SEMA5B: variants seen among roughly 807,000 people sequenced by gnomAD.
The protein encoded by SEMA5B is semaphorin 5B.
SEMA5B carries 66 observed loss-of-function variants against 135.0 expected under a neutral mutation model. The observed-to-expected ratio is 0.49, with a 90% CI of 0.40 to 0.60. The LOEUF (loss-of-function observed/expected upper bound fraction) is 0.60. SEMA5B is among the 20% of genes least tolerant of loss of function. SEMA5B has a pLI of 0.00. For synonymous variants in SEMA5B, 690 were observed against 639.5 expected (o/e 1.08, Z -1.19); for missense variants, 1,501 against 1,566.3 (o/e 0.96, Z 0.70).
At chr3:123,007,019 G>A (rs753727428) in intron 1 of SEMA5B, among the ~76,000 whole-genome samples, 4 of 152,070 alleles carry the variant, frequency 2.6e-5, no homozygotes, top group Non-Finnish European at 5.9e-5. Context: ...ACCCAGAAAA[G>A]CATGAGGAAT....
intron 5 of SEMA5B, among the ~76,000 whole-genome samples, chr3:122,935,038 C>T (rs550863157): frequency 2.7e-4 from 41 of 152,188 alleles, no homozygotes; most frequent in South Asian, 1.5e-3. Context: ...ATTGAGTACA[C>T]GGGGTTCATG....
Position 122,971,063 on chromosome 3 carries a change from C to A in SEMA5B, c.-38-9762G>T, listed in dbSNP as rs72970590. Among the ~76,000 whole-genome samples, 503 of 152,330 alleles carry A rather than the reference C, an allele frequency of 3.3e-3. 3 individuals carry two copies. Among genetic ancestry groups the A allele is most frequent in the African/African-American group, 0.012 (489 of 41,570 alleles). On this transcript the variant is annotated intron_variant, in intron 1 of 22. Coordinates refer to ENST00000357599, the MANE Select transcript of SEMA5B (RefSeq NM_001031702.4). ...AAAGACCTGGTCCTGGAGCACTACCCAGTGGCCTATAATTCCCAGGAGACA... is the reference window on the plus strand; with the variant it reads ...AAAGACCTGGTCCTGGAGCACTACCAAGTGGCCTATAATTCCCAGGAGACA...
chr3:122,948,417 A>C, intron 3 of SEMA5B, 89 bp downstream of exon 3: 1 of 1,167,838 alleles, frequency 8.6e-7, no homozygotes, highest in Non-Finnish European at 1.2e-6. Context: ...AAGGACATCC[A>C]ACAGCCAGAA....
chr3:122,925,388 G>C (rs908859404), intron 9 of SEMA5B, among the ~76,000 whole-genome samples: 2 of 152,104 alleles, frequency 1.3e-5, no homozygotes, highest in Middle Eastern at 6.8e-3. Flanking sequence ...AATATTGCCA[G>C]CTGGGCGTGG....
chr3:122,950,294 G>T (rs1939985923), intron 2 of SEMA5B, among the ~76,000 whole-genome samples: 2 of 152,204 alleles, frequency 1.3e-5, no homozygotes, highest in Non-Finnish European at 2.9e-5. Flanking sequence ...GAAGCAGTGG[G>T]GAGAGGGCCA....
chr3:122,928,472 C>T, intron 7 of SEMA5B, 45 bp downstream of exon 7: 1 of 1,469,940 alleles, frequency 6.8e-7, no homozygotes, highest in Non-Finnish European at 9.2e-7. Flanking sequence ...AGGAGAACCC[C>T]CGGCATGGTG....
chr3:122,921,244 C>G (rs1198892839), intron 12 of SEMA5B, among the ~76,000 whole-genome samples: 1 of 152,216 alleles, frequency 6.6e-6, no homozygotes, highest in Non-Finnish European at 1.5e-5. Flanking sequence ...GGGAGAGCCT[C>G]GGGTGGTAGG....
chr3:122,968,921 G>A (rs1940995902), intron 1 of SEMA5B, among the ~76,000 whole-genome samples: 1 of 152,106 alleles, frequency 6.6e-6, no homozygotes. Flanking sequence ...AACATCTTCT[G>A]TTCACTTACC....
Position 122,915,551 on chromosome 3 carries a change from C to T in SEMA5B, c.1877G>A (p.Gly626Glu). 6.2e-7 allele frequency: 1 copy of T among 1,614,110 alleles called. No individual in the cohort carries two copies. The highest frequency in any genetic ancestry group is 1.1e-5 in the South Asian group (1 of 91,076). ...SPWQPCEHLD[G>E]DNSGSCLCRA... The stretch of plus-strand genomic sequence containing the variant: ...ACACAGGCAAGAGCCTGAGTTGTCC[C>T]CATCCAAGTGCTCACATGGTTGCCA... The change falls in exon 14 of 23, where the codon GGG (glycine) becomes GAG (glutamate). Residue 626 changes from glycine to glutamate, a missense_variant. This residue lies in a region of SEMA5B where 927 missense variants were observed against 881.6 expected (regional missense o/e 1.05). Coordinates refer to ENST00000357599, the MANE Select transcript of SEMA5B (RefSeq NM_001031702.4).
chr3:123,019,418 G>A (rs764873824), intron 1 of SEMA5B, among the ~76,000 whole-genome samples: 10 of 152,112 alleles, frequency 6.6e-5, no homozygotes, highest in East Asian at 3.9e-4. Flanking sequence ...TAGAAACCCC[G>A]TCTCTACATG....
intron 1 of SEMA5B, among the ~76,000 whole-genome samples, chr3:123,006,762 C>A (rs1356636590): frequency 6.6e-6 from 1 of 152,122 alleles, no homozygotes; most frequent in Non-Finnish European, 1.5e-5. Flanking sequence ...ACAGAATCAT[C>A]CAATCATCCT....
chr3:122,961,428 CT>C, intron 1 of SEMA5B, 127 bp from the exon 2 acceptor site: 1 of 856,224 alleles, frequency 1.2e-6, no homozygotes, highest in Non-Finnish European at 1.7e-6. Flanking sequence ...CTTGGTGCTG[CT>C]TTAACAAATC....
chr3:123,009,087 G>A (rs1011642854), intron 1 of SEMA5B, among the ~76,000 whole-genome samples: 3 of 152,200 alleles, frequency 2.0e-5, no homozygotes, highest in Non-Finnish European at 4.4e-5. Flanking sequence ...CGGTGGACCC[G>A]TGGCAGGGCA....
Position 122,910,937 on chromosome 3 carries a change from T to C in SEMA5B, c.3200A>G (p.Gln1067Arg). The C allele has an allele frequency of 6.2e-7, 1 of 1,613,846 alleles. No individual in the cohort carries two copies. Among genetic ancestry groups the C allele is most frequent in the Non-Finnish European group, 8.5e-7 (1 of 1,180,000 alleles). Reference sequence around the variant, plus strand: ...GGCAGGATGGACCAGTGTGGACTCCTGGGACTGACGCTGGCAGTGCTGGCA... The same window carrying C: ...GGCAGGATGGACCAGTGTGGACTCCCGGGACTGACGCTGGCAGTGCTGGCA... ...LSCQHCQRQS[Q>R]ESTLVHPATP... Residue 1067 changes from glutamine to arginine, a missense_variant, in exon 22 of 23, where the codon CAG becomes CGG. Physicochemically the swap from Gln to Arg is conservative, Grantham distance 43. This residue lies in a region of SEMA5B where 927 missense variants were observed against 881.6 expected (regional missense o/e 1.05). Coordinates refer to ENST00000357599, the MANE Select transcript of SEMA5B (RefSeq NM_001031702.4).
Position 122,912,025 on chromosome 3 carries a change from C to T in SEMA5B, c.2941G>A (p.Gly981Arg), listed in dbSNP as rs749830525. Reference sequence around the variant, plus strand: ...CAGTGCCGGCTTCGGCTCTGGGCTCCGTCGTCAGTGCACTTACTCCACTCA... The same window carrying T: ...CAGTGCCGGCTTCGGCTCTGGGCTCTGTCGTCAGTGCACTTACTCCACTCA... The part of the protein sequence containing the change: ...WSEWSKCTDD[G>R]AQSRSRHCEE... Residue 981 changes from glycine to arginine, a missense_variant, in exon 20 of 23, where the codon GGA (glycine) becomes AGA (arginine). Physicochemically the swap from Gly to Arg is moderately radical, Grantham distance 125 (BLOSUM62 -2). This residue lies in a region of SEMA5B where 927 missense variants were observed against 881.6 expected (regional missense o/e 1.05). Transcript: ENST00000357599. 1.9e-6 allele frequency: 3 copies of T among 1,613,806 alleles called. No homozygotes were observed. The highest frequency in any genetic ancestry group is 4.5e-5 in the East Asian group (2 of 44,854).
intron 1 of SEMA5B, among the ~76,000 whole-genome samples, chr3:122,971,000 GGA>G (rs914479582): frequency 4.6e-5 from 7 of 152,194 alleles, no homozygotes; most frequent in Non-Finnish European, 8.8e-5. Flanking sequence ...CTTGGAGAGG[GGA>G]GAGTCTTTTG....
At chr3:123,028,280 GA>G (rs1291263503), upstream of SEMA5B, among the ~76,000 whole-genome samples, 1 of 152,206 alleles carries the variant, frequency 6.6e-6, no homozygotes, top group Non-Finnish European at 1.5e-5. Flanking sequence ...TAAAACGGGG[GA>G]GAGCCGTTAT....
intron 1 of SEMA5B, among the ~76,000 whole-genome samples, chr3:122,968,736 T>G (rs7649756): frequency 0.21 from 31,626 of 152,080 alleles, 3,431 homozygotes; most frequent in East Asian, 0.27. Context: ...GTAGCTTTAC[T>G]CCAGCCACAT....
intron 1 of SEMA5B, among the ~76,000 whole-genome samples, chr3:122,962,841 C>T (rs1173014894): frequency 2.6e-5 from 4 of 152,146 alleles, no homozygotes; most frequent in African/African-American, 4.8e-5. Flanking sequence ...CCTGACCCCC[C>T]ATGAAAATTA....
Sources: allele counts gnomAD v4.1 joint callset (sites outside exome capture counted in the v4.1 genomes callset), GRCh38; gene constraint gnomAD v4.1.1; regional missense constraint gnomAD v4.1.1; transcripts MANE v1.5; gene names NCBI Gene and HGNC (gene_info 2026-07-23, HGNC 2026-07-21).